The following EIF2AK1 variants were observed in gnomAD, a reference collection of about 807,000 sequenced individuals.
The protein encoded by EIF2AK1 is eukaryotic translation initiation factor 2-alpha kinase 1.
Under a neutral mutation model 77.9 loss-of-function variants are expected in EIF2AK1, and 54 were observed. The ratio of observed to expected loss-of-function variants is 0.69; its 90% CI spans 0.56 to 0.87. EIF2AK1 has a LOEUF of 0.87. Among genes scored for constraint, EIF2AK1 ranks in the 40% least tolerant of loss-of-function variants. The pLI, the probability that EIF2AK1 is intolerant of heterozygous loss-of-function variation, is 0.00. For synonymous variants in EIF2AK1, 314 were observed against 290.5 expected (o/e 1.08, Z -0.82); for missense variants, 810 against 768.6 (o/e 1.05, Z -0.64).
chr7:6,052,404 G>A (rs1317388488), intron 2 of EIF2AK1, among the ~76,000 whole-genome samples: 1 of 151,552 alleles, frequency 6.6e-6, no homozygotes, highest in Non-Finnish European at 1.5e-5. Context: ...ATATGCCACT[G>A]CTTGGAATGC....
Position 6,032,970 on chromosome 7 carries a change from T to C in EIF2AK1, c.1333-3938A>G, listed in dbSNP as rs1159349594. On this transcript the variant is annotated intron_variant, in intron 11 of 14. Transcript: ENST00000199389. The surrounding 1 kb of genome is among the most constrained non-coding windows in gnomAD (Gnocchi z 4.3). The stretch of plus-strand genomic sequence containing the variant: ...ACTCCACCGAAAATCATTTCTTTTT[T>C]TTTCTTTTTTGTTTTGAGGCAGGGG... 1 of 1,528,456 alleles carries C rather than the reference T, an allele frequency of 6.5e-7. No homozygotes were observed. Among genetic ancestry groups the C allele is most frequent in the South Asian group, 1.2e-5 (1 of 83,490 alleles). The allele number at this position is 1,528,456 out of a possible 1,614,324, so 94.7% of individuals were successfully genotyped here. A position where few individuals can be genotyped will look rare whatever the true frequency, so the allele number is the denominator to read the frequency against.
intron 2 of EIF2AK1, among the ~76,000 whole-genome samples, chr7:6,053,584 C>T (rs1788667488): frequency 1.3e-5 from 2 of 151,796 alleles, no homozygotes; most frequent in Admixed American, 6.6e-5. Context: ...AGGATGGTCT[C>T]GATCTCTTGA....
At chr7:6,050,751 T>C (rs960515570) in intron 2 of EIF2AK1, among the ~76,000 whole-genome samples, 2 of 150,988 alleles carry the variant, frequency 1.3e-5, no homozygotes, top group South Asian at 4.2e-4. Context: ...TATAGGCGCC[T>C]GCCACCAGGC....
At chr7:6,046,028 A>G (rs1788436141) in intron 6 of EIF2AK1, 43 bp downstream of exon 6, 1 of 1,308,102 alleles carries the variant, frequency 7.6e-7, no homozygotes, top group African/African-American at 1.5e-5. Context: ...AAAAAGAACT[A>G]AATACACAAT....
rs754338789 is a variant in EIF2AK1, at chr7:6,023,288, G to GT, written c.*1384dup. ...CTGCTCTGGTGATGCTACCTGGCGT[G>GT]TTTTTTCTTTTCAGTGCCGAAGACG... On this transcript the variant is annotated 3_prime_UTR_variant, in exon 15 of 15. Coordinates refer to ENST00000199389, the MANE Select transcript of EIF2AK1 (RefSeq NM_014413.4). 1.3e-6 allele frequency: 2 copies of GT among 1,575,506 alleles called. No individual in the cohort carries two copies. The highest frequency in any genetic ancestry group is 1.4e-5 in the African/African-American group (1 of 73,700).
chr7:6,044,098 C>CA (rs1314297790), intron 7 of EIF2AK1, among the ~76,000 whole-genome samples: 3 of 149,184 alleles, frequency 2.0e-5, no homozygotes, highest in Admixed American at 1.3e-4. Flanking sequence ...GACTCTGTCT[C>CA]AAAAAAAAGA....
chr7:6,042,865 C>T (rs1788336905), intron 8 of EIF2AK1, 68 bp downstream of exon 8: 4 of 1,429,722 alleles, frequency 2.8e-6, no homozygotes, highest in South Asian at 2.4e-5. Flanking sequence ...GACTCTGTCG[C>T]CAAAAAAAAG....
Position 6,023,401 on chromosome 7 carries a change from C to G in EIF2AK1, c.*1272G>C, listed in dbSNP as rs369386259. ...CTTGTTCTCTCTGTTTGGCCAGAAG[C>G]ATAATGCTGTCAACGCAACCCTTAT... On this transcript the variant is annotated 3_prime_UTR_variant, in exon 15 of 15. Coordinates refer to ENST00000199389, the MANE Select transcript of EIF2AK1 (RefSeq NM_014413.4). The G allele has an allele frequency of 1.1e-5, 17 of 1,614,084 alleles. No individual in the cohort carries two copies. In the Admixed American group the frequency reaches 1.5e-4, roughly 14 times the overall value.
rs758724378 is a variant in EIF2AK1, at chr7:6,041,146, C to G, written c.865G>C (p.Glu289Gln). 4.3e-6 allele frequency: 7 copies of G among 1,613,720 alleles called. No homozygotes were observed. The highest frequency in any genetic ancestry group is 5.1e-6 in the Non-Finnish European group (6 of 1,179,962). The change falls in exon 9 of 15, where the codon GAA becomes CAA. Residue 289 changes from glutamate (E) to glutamine (Q), a missense_variant. Around this residue, in one of 3 missense-constraint regions of EIF2AK1, gnomAD observed 549 missense variants for 533.7 expected, o/e 1.03. Coordinates refer to ENST00000199389, the MANE Select transcript of EIF2AK1 (RefSeq NM_014413.4). Reference sequence around the variant, plus strand: ...GTGTCAGATTCTCCAAAGCGTTTTTCTTTTTCTGGGGTGGGCTCAGCAAAG... The same window carrying G: ...GTGTCAGATTCTCCAAAGCGTTTTTGTTTTTCTGGGGTGGGCTCAGCAAAG... The part of the protein sequence containing the change: ...IIFAEPTPEK[E>Q]KRFGESDTEN...
In EIF2AK1 at chr7:6,058,717, G is replaced by A. The variant is rs573207104; in HGVS notation, c.118+249C>T. 3.3e-5 allele frequency among the ~76,000 whole-genome samples: 5 copies of A among 152,350 alleles called. No individual in the cohort carries two copies. The South Asian group carries it at 1.0e-3, about 32-fold the overall frequency. On this transcript the variant is annotated intron_variant, in intron 1 of 14. Transcript: ENST00000199389. Reference sequence around the variant, plus strand: ...AGCCATCCGAAGGCCTCAGTCCCCAGAGAGGAAACCAAGGAACAGAAATGT... The same window carrying A: ...AGCCATCCGAAGGCCTCAGTCCCCAAAGAGGAAACCAAGGAACAGAAATGT...
rs528811710 is a variant in EIF2AK1 at position 6,033,868 on chromosome 7, C to T, written c.1332+3556G>A. Among the ~76,000 whole-genome samples the T allele has an allele frequency of 3.1e-4, 47 of 151,872 alleles. No individual in the cohort carries two copies. The highest frequency in any genetic ancestry group is 1.1e-3 in the African/African-American group (44 of 41,434). On this transcript the variant is annotated intron_variant, in intron 11 of 14. Transcript: ENST00000199389. This position sits in a 1 kb window ranked among gnomAD's most constrained non-coding sequence, Gnocchi z 4.4. The stretch of plus-strand genomic sequence containing the variant: ...ACAGGCGTGAGCCGCCGTGCCTGGC[C>T]GACAATGGATTTTCTTGTTTATTAC...
rs563277071 is a variant in EIF2AK1 at position 6,022,922 on chromosome 7, T to C, written c.*1751A>G. The C allele has an allele frequency of 5.0e-6, 1 of 201,336 alleles. No homozygotes were observed. The highest frequency in any genetic ancestry group is 1.3e-4 in the East Asian group (1 of 7,988). 12.5% of individuals were successfully genotyped at this position (201,336 alleles called of 1,614,324 possible). A position where few individuals can be genotyped will look rare whatever the true frequency, so the allele number is the denominator to read the frequency against. ...TAAGCGAGTTCATGTCATTCATATC[T>C]TAATTGCCCTCAGTCTCACAGAAGG... On this transcript the variant is annotated 3_prime_UTR_variant, in exon 15 of 15. Coordinates refer to ENST00000199389, the MANE Select transcript of EIF2AK1 (RefSeq NM_014413.4).
At position 6,022,257 on chromosome 7, in the gene EIF2AK1, AAC is replaced by A. The variant is rs1403270721; in HGVS notation, c.*2414_*2415del. On this transcript the variant is annotated 3_prime_UTR_variant, in exon 15 of 15. Coordinates refer to ENST00000199389, the MANE Select transcript of EIF2AK1 (RefSeq NM_014413.4). ...TGCCCAGCATCCTTATTATTTTCTT[AAC>A]ATTTTCTCAAGTTTATTGTAAGAAT... The A allele has an allele frequency of 2.0e-5, 3 of 152,106 alleles. No individual in the cohort carries two copies. The highest frequency in any genetic ancestry group is 7.2e-5 in the African/African-American group (3 of 41,422). The allele number at this position is 152,106 out of a possible 1,614,324, so 9.4% of individuals were successfully genotyped here.
chr7:6,040,842 C>T (rs1158280484), intron 9 of EIF2AK1, 50 bp downstream of exon 9: 2 of 1,467,286 alleles, frequency 1.4e-6, no homozygotes, highest in Non-Finnish European at 9.5e-7. Flanking sequence ...CACACACCTG[C>T]ACAGTCACCA....
intron 6 of EIF2AK1, among the ~76,000 whole-genome samples, chr7:6,045,362 T>C (rs1788417113): frequency 6.6e-6 from 1 of 152,112 alleles, no homozygotes; most frequent in African/African-American, 2.4e-5. Context: ...TGCCTTCGCC[T>C]CCCAAAGTGC....
rs1787963678 is a variant in EIF2AK1 at position 6,033,068 on chromosome 7, A to C, written c.1333-4036T>G. On this transcript the variant is annotated intron_variant, in intron 11 of 14. Coordinates refer to ENST00000199389, the MANE Select transcript of EIF2AK1 (RefSeq NM_014413.4). This position sits in a 1 kb window ranked among gnomAD's most constrained non-coding sequence, Gnocchi z 4.4. Reference sequence around the variant, plus strand: ...ACTGCAACCTCTACTTCCTGGGTTCAAGAGCTTCTCCCACCTCAGCCTCCC... The same window carrying C: ...ACTGCAACCTCTACTTCCTGGGTTCCAGAGCTTCTCCCACCTCAGCCTCCC... The C allele has an allele frequency of 1.4e-6, 1 of 695,886 alleles. No individual in the cohort carries two copies. Among genetic ancestry groups the C allele is most frequent in the Non-Finnish European group, 2.3e-6 (1 of 435,762 alleles). 43.1% of individuals were successfully genotyped at this position (695,886 alleles called of 1,614,324 possible).
At position 6,022,365 on chromosome 7, in the gene EIF2AK1, G is replaced by A. The variant is rs142746015; in HGVS notation, c.*2308C>T. On this transcript the variant is annotated 3_prime_UTR_variant, in exon 15 of 15. Coordinates refer to ENST00000199389, the MANE Select transcript of EIF2AK1 (RefSeq NM_014413.4). Reference sequence around the variant, plus strand: ...GCTTCCCATGAATAGTAGGCTATTAGTGCTTAAGTTTTGAAGGAGTCAGAA... The same window carrying A: ...GCTTCCCATGAATAGTAGGCTATTAATGCTTAAGTTTTGAAGGAGTCAGAA... 3 of 152,306 alleles carry A rather than the reference G, an allele frequency of 2.0e-5. No homozygotes were observed. In the East Asian group the frequency reaches 5.8e-4, roughly 29 times the overall value. The allele number at this position is 152,306 out of a possible 1,614,324, so 9.4% of individuals were successfully genotyped here. A position where few individuals can be genotyped will look rare whatever the true frequency, so the allele number is the denominator to read the frequency against.
In EIF2AK1 at chr7:6,046,211, G is replaced by A; in HGVS notation, c.550-60C>T. 3.0e-6 allele frequency: 3 copies of A among 989,430 alleles called. No individual in the cohort carries two copies. In the South Asian group the frequency reaches 5.1e-5, roughly 17 times the overall value. The allele number at this position is 989,430 out of a possible 1,614,324, so 61.3% of individuals were successfully genotyped here. On this transcript the variant is annotated intron_variant, in intron 5 of 14. Coordinates refer to ENST00000199389, the MANE Select transcript of EIF2AK1 (RefSeq NM_014413.4). ...TCATTAAACTTTAACTGAATAAAGAGGTTCTTTTAATCTGAGCTTAGACAA... is the reference window on the plus strand; with the variant it reads ...TCATTAAACTTTAACTGAATAAAGAAGTTCTTTTAATCTGAGCTTAGACAA...
At chr7:6,058,851 T>C (rs1017713743) in intron 1 of EIF2AK1, 115 bp downstream of exon 1, 37 of 939,432 alleles carry the variant, frequency 3.9e-5, no homozygotes, top group Non-Finnish European at 4.8e-5. Flanking sequence ...GGTTCAACCC[T>C]GGAGGCAGCC....
Sources: allele counts gnomAD v4.1 joint callset (sites outside exome capture counted in the v4.1 genomes callset), GRCh38; gene constraint gnomAD v4.1.1; regional missense constraint gnomAD v4.1.1; non-coding constraint Gnocchi (gnomAD v3.1); transcripts MANE v1.5; gene names NCBI Gene and HGNC (gene_info 2026-07-23, HGNC 2026-07-21).